The following SNED1 variants were observed in gnomAD, a reference collection of about 807,000 sequenced individuals.
SNED1 encodes the protein sushi, nidogen and EGF-like domain-containing protein 1.
A neutral mutation model predicts 166.7 loss-of-function variants in SNED1; 81 were observed. The ratio of observed to expected loss-of-function variants is 0.49; its 90% CI spans 0.41 to 0.58. The LOEUF (loss-of-function observed/expected upper bound fraction) is 0.58. SNED1 is among the 20% of genes least tolerant of loss of function. The pLI is 0.00. For synonymous variants in SNED1, 762 were observed against 822.0 expected (o/e 0.93, Z 1.25); for missense variants, 1,604 against 2,000.2 (o/e 0.80, Z 3.78).
chr2:241,086,157 G>A (rs761293935), intron 29 of SNED1, among the ~76,000 whole-genome samples: 4 of 152,124 alleles, frequency 2.6e-5, no homozygotes, highest in Admixed American at 1.3e-4. Context: ...GTGAGCCACC[G>A]CACCTGGCCC....
intron 27 of SNED1, among the ~76,000 whole-genome samples, chr2:241,077,301 G>A (rs1441849193): frequency 6.6e-6 from 1 of 152,090 alleles, no homozygotes; most frequent in African/African-American, 2.4e-5. Context: ...TAAATGTTAG[G>A]AGCTAAAACC....
In SNED1 at chr2:241,065,342, G is replaced by C; in HGVS notation, c.2757G>C (p.Glu919Asp). 3 of 1,613,020 alleles carry C rather than the reference G, an allele frequency of 1.9e-6. No homozygotes were observed. Among genetic ancestry groups the C allele is most frequent in the Non-Finnish European group, 2.5e-6 (3 of 1,179,842 alleles). The change falls in exon 21 of 32, where the codon GAG becomes GAC. Residue 919 changes from glutamate to aspartate, a missense_variant. By Grantham distance (45) the Glu-to-Asp change is conservative (BLOSUM62 2). Coordinates refer to ENST00000310397, the MANE Select transcript of SNED1 (RefSeq NM_001080437.3). ...PTALKMERVE[E>D]SGVSISWNPP... Reference sequence around the variant, plus strand: ...CCCTCAAGATGGAGAGAGTGGAGGAGAGTGGGGTCTCTATCTCCTGGAACC... The same window carrying C: ...CCCTCAAGATGGAGAGAGTGGAGGACAGTGGGGTCTCTATCTCCTGGAACC...
In SNED1 at chr2:241,093,396, A is replaced by G. The variant is rs745802148; in HGVS notation, c.*1760A>G. ...CCTACTAGGAAACTTTCTACTCCCT[A>G]CTAGGACCTCAAGCCCCTCAGCCAC... On this transcript the variant is annotated 3_prime_UTR_variant, in exon 32 of 32. Coordinates refer to ENST00000310397, the MANE Select transcript of SNED1 (RefSeq NM_001080437.3). 4 of 152,678 alleles carry G rather than the reference A, an allele frequency of 2.6e-5. No homozygotes were observed. Among genetic ancestry groups the G allele is most frequent in the African/African-American group, 4.8e-5 (2 of 41,458 alleles). The allele number at this position is 152,678 out of a possible 1,614,324, so 9.5% of individuals were successfully genotyped here.
In SNED1 at chr2:241,065,513, C is replaced by T. The variant is rs778001705; in HGVS notation, c.2928C>T (p.Tyr976=). 1.1e-5 allele frequency: 18 copies of T among 1,612,986 alleles called. No individual in the cohort carries two copies. The highest frequency in any genetic ancestry group is 1.4e-5 in the Non-Finnish European group (17 of 1,179,840). The change falls in exon 21 of 32, where the codon TAC becomes TAT. Residue 976 remains tyrosine (Y), a synonymous_variant. Transcript: ENST00000310397. ...AGGCCCTGGCGGCCGGCAGGGCCTA[C>T]AACATCTCCGTCTTCTCAGTGAAGC... ...QLQALAAGRA[Y]NISVFSVKRN... is the part of the protein sequence containing the mutation.
At chr2:241,082,709 C>T (rs971440490) in intron 29 of SNED1, among the ~76,000 whole-genome samples, 18 of 152,224 alleles carry the variant, frequency 1.2e-4, no homozygotes, top group Non-Finnish European at 1.6e-4. Flanking sequence ...CTCAGAGCCC[C>T]CTGGAAAAAC....
chr2:241,092,406 T>A lies in SNED1; in HGVS notation c.*770T>A, dbSNP rs2064088001. 6.6e-6 allele frequency: 1 copy of A among 152,182 alleles called. No individual in the cohort carries two copies. Among genetic ancestry groups the A allele is most frequent in the South Asian group, 2.1e-4 (1 of 4,830 alleles). 9.4% of individuals were successfully genotyped at this position (152,182 alleles called of 1,614,324 possible). A position where few individuals can be genotyped will look rare whatever the true frequency, so the allele number is the denominator to read the frequency against. ...TGTCATTGAATGGCTGCGGCTATGT[T>A]CCAATAAAAACTTATTTACAATAAC... On this transcript the variant is annotated 3_prime_UTR_variant, in exon 32 of 32. Transcript: ENST00000310397. This position sits in a 1 kb window ranked among gnomAD's most constrained non-coding sequence, Gnocchi z 4.6.
chr2:241,064,030 C>G lies in SNED1; in HGVS notation c.2504C>G (p.Ser835Cys), dbSNP rs1386525844. 6.4e-7 allele frequency: 1 copy of G among 1,557,130 alleles called. No homozygotes were observed. The highest frequency in any genetic ancestry group is 1.4e-5 in the African/African-American group (1 of 73,388). The change falls in exon 19 of 32, where the codon TCC becomes TGC. Residue 835 changes from serine to cysteine, a missense_variant. Coordinates refer to ENST00000310397, the MANE Select transcript of SNED1 (RefSeq NM_001080437.3). This position sits in a 1 kb window ranked among gnomAD's most constrained non-coding sequence, Gnocchi z 7.0. ...HCETEVDACD[S>C]SPCQHGGRCE... Reference sequence around the variant, plus strand: ...TCTCCAGAGGTGGACGCCTGCGACTCCAGCCCCTGCCAGCATGGAGGCCGG... The same window carrying G: ...TCTCCAGAGGTGGACGCCTGCGACTGCAGCCCCTGCCAGCATGGAGGCCGG...
chr2:241,084,107 G>A (rs939890954), intron 29 of SNED1, among the ~76,000 whole-genome samples: 1 of 149,718 alleles, frequency 6.7e-6, no homozygotes, highest in South Asian at 2.1e-4. Context: ...ACTATTGTAC[G>A]AGTTCAATAT....
At chr2:241,072,360 G>A (rs989157402) in intron 26 of SNED1, 9 of 374,460 alleles carry the variant, frequency 2.4e-5, no homozygotes, top group Non-Finnish European at 3.7e-5. Flanking sequence ...CCTTCCCACC[G>A]GGTTTACTGG....
Position 241,040,372 on chromosome 2 carries a change from G to A in SNED1, c.1232G>A (p.Cys411Tyr). 1 of 1,607,906 alleles carries A rather than the reference G, an allele frequency of 6.2e-7. No homozygotes were observed. The highest frequency in any genetic ancestry group is 8.5e-7 in the Non-Finnish European group (1 of 1,177,228). The change falls in exon 8 of 32, where the codon TGC becomes TAC. Residue 411 changes from cysteine to tyrosine, a missense_variant. Coordinates refer to ENST00000310397, the MANE Select transcript of SNED1 (RefSeq NM_001080437.3). ...SCVDLVGNYTCLCAEPFKGLR... is the reference protein window; with the variant it reads ...SCVDLVGNYTYLCAEPFKGLR... ...GTTGACCTAGTGGGGAATTACACCT[G>A]CTTGTGTGCCGAGCCCTTCAAGGGA...
At chr2:241,019,650 G>A (rs1285682917) in intron 1 of SNED1, among the ~76,000 whole-genome samples, 1 of 152,212 alleles carries the variant, frequency 6.6e-6, no homozygotes, top group Non-Finnish European at 1.5e-5. Flanking sequence ...TGGCTGCATG[G>A]CCACTTCCGG....
intron 29 of SNED1, among the ~76,000 whole-genome samples, chr2:241,084,199 C>T (rs1055549691): frequency 6.9e-6 from 1 of 144,234 alleles, no homozygotes; most frequent in Non-Finnish European, 1.5e-5. Context: ...TGCGATGGTG[C>T]GATCTTGGCT....
In SNED1 at chr2:241,040,049, G is replaced by A. The variant is rs566520006; in HGVS notation, c.1046-26G>A. ...AGGTAACCATAACTGGGAGTCCATCGTCCTGTCTACACCTCCTCACTCTAG... is the reference window on the plus strand; with the variant it reads ...AGGTAACCATAACTGGGAGTCCATCATCCTGTCTACACCTCCTCACTCTAG... On this transcript the variant is annotated intron_variant, in intron 6 of 31. Coordinates refer to ENST00000310397, the MANE Select transcript of SNED1 (RefSeq NM_001080437.3). The A allele has an allele frequency of 1.4e-4, 216 of 1,527,728 alleles. 1 individual carries two copies. Among genetic ancestry groups the A allele is most frequent in the South Asian group, 4.2e-4 (35 of 83,776 alleles). The allele number at this position is 1,527,728 out of a possible 1,614,324, so 94.6% of individuals were successfully genotyped here. A position where few individuals can be genotyped will look rare whatever the true frequency, so the allele number is the denominator to read the frequency against.
chr2:241,017,702 C>T (rs993151172), intron 1 of SNED1, among the ~76,000 whole-genome samples: 1 of 152,214 alleles, frequency 6.6e-6, no homozygotes, highest in Non-Finnish European at 1.5e-5. Context: ...TCTCCTCCCA[C>T]GGCAAGTGGG....
chr2:241,000,400 G>A (rs948741134), intron 1 of SNED1, among the ~76,000 whole-genome samples: 2 of 152,182 alleles, frequency 1.3e-5, no homozygotes, highest in Non-Finnish European at 2.9e-5. Context: ...AAGTCCCTCT[G>A]GACCGGGACT....
intron 1 of SNED1, among the ~76,000 whole-genome samples, chr2:241,002,235 G>A (rs2060097711): frequency 2.6e-5 from 4 of 152,296 alleles, no homozygotes; most frequent in African/African-American, 9.6e-5. Context: ...CAAGCCATCT[G>A]GAAAATCCAC....
rs377659837 is a variant in SNED1 at position 241,064,343 on chromosome 2, C to T, written c.2599+218C>T. ...GCCTTCTAAACCTCCCCATCTCCTG[C>T]GCTCACCCCCCAGACACCCCTCTTC... On this transcript the variant is annotated intron_variant, in intron 19 of 31. Transcript: ENST00000310397. The surrounding 1 kb of genome is among the most constrained non-coding windows in gnomAD (Gnocchi z 7.0). 6.6e-6 allele frequency among the ~76,000 whole-genome samples: 1 copy of T among 152,100 alleles called. No individual in the cohort carries two copies. The highest frequency in any genetic ancestry group is 2.4e-5 in the African/African-American group (1 of 41,430).
At chr2:241,037,007 G>A (rs1349683907) in intron 5 of SNED1, 92 bp downstream of exon 5, 1 of 1,463,820 alleles carries the variant, frequency 6.8e-7, no homozygotes, top group Non-Finnish European at 9.2e-7. Flanking sequence ...GGGCGCCCAG[G>A]GTCCCAGGTC....
intron 21 of SNED1, among the ~76,000 whole-genome samples, chr2:241,066,977 C>T (rs955695270): frequency 2.0e-5 from 3 of 152,190 alleles, no homozygotes; most frequent in African/African-American, 4.8e-5. Flanking sequence ...GGCGCATGTG[C>T]GGGTGGCACT....
Sources: allele counts gnomAD v4.1 joint callset (sites outside exome capture counted in the v4.1 genomes callset), GRCh38; gene constraint gnomAD v4.1.1; non-coding constraint Gnocchi (gnomAD v3.1); transcripts MANE v1.5; gene names NCBI Gene and HGNC (gene_info 2026-07-23, HGNC 2026-07-21).